SPIRE2: variants seen among roughly 807,000 people sequenced by gnomAD.
The protein encoded by SPIRE2 is protein spire homolog 2.
SPIRE2 carries 76 observed loss-of-function variants against 80.7 expected under a neutral mutation model. That is an observed-to-expected ratio of 0.94 (90% confidence interval 0.78 to 1.14). The LOEUF (loss-of-function observed/expected upper bound fraction) is 1.14, where lower values mean the gene tolerates loss of function less well. Among genes scored for constraint, SPIRE2 ranks in the 50% most tolerant of loss-of-function variants. The pLI, the probability that SPIRE2 is intolerant of heterozygous loss-of-function variation, is 0.00. For synonymous variants in SPIRE2, 535 were observed against 432.6 expected (o/e 1.24, Z -2.94); for missense variants, 1,196 against 1,015.3 (o/e 1.18, Z -2.42).
In SPIRE2 at chr16:89,830,983, C is replaced by T. The variant is rs376861048; in HGVS notation, c.244+2189C>T. Among the ~76,000 whole-genome samples the T allele has an allele frequency of 3.0e-3, 448 of 148,802 alleles. 3 individuals are homozygous for T. The highest frequency in any genetic ancestry group is 0.011 in the African/African-American group (432 of 40,838). ...GGAGTGCAGCGGCACAATCTCTGCT[C>T]ACTGCAAGCTCCACCTCCCGGGTTC... On this transcript the variant is annotated intron_variant, in intron 1 of 14. Transcript: ENST00000378247.
chr16:89,848,968 G>C (rs1230081194), intron 2 of SPIRE2, among the ~76,000 whole-genome samples: 2 of 141,598 alleles, frequency 1.4e-5, no homozygotes, highest in Non-Finnish European at 3.2e-5. Context: ...GCCTTCTGTG[G>C]TGTTTCTGCA....
Position 89,863,360 on chromosome 16 carries a change from A to C in SPIRE2, c.1576-116A>C. 8.8e-7 allele frequency: 1 copy of C among 1,140,926 alleles called. No individual in the cohort carries two copies. Among genetic ancestry groups the C allele is most frequent in the Non-Finnish European group, 1.2e-6 (1 of 806,752 alleles). 70.7% of individuals were successfully genotyped at this position (1,140,926 alleles called of 1,614,324 possible). On this transcript the variant is annotated intron_variant, in intron 10 of 14. Transcript: ENST00000378247. This position sits in a 1 kb window ranked among gnomAD's most constrained non-coding sequence, Gnocchi z 4.3. ...CAAGATGGCTGATGGACAGCGTTTT[A>C]GAAGGTCGCAGGCTTGTTTAGGCTG...
rs1401336927 is a variant in SPIRE2 at position 89,870,146 on chromosome 16, C to T, written c.2019C>T (p.Thr673=). ...TGAAGGATGTCTGCAGTGAGTGCAC[C>T]AGCTTTGTGGCAGACGTGGTGCGTT... ...CVLKDVCSEC[T]SFVADVVRSS... is the part of the protein sequence containing the mutation. The change falls in exon 15 of 15, where the codon ACC becomes ACT. Residue 673 remains threonine, a synonymous_variant. Transcript: ENST00000378247. 1.9e-6 allele frequency: 3 copies of T among 1,612,604 alleles called. No individual in the cohort carries two copies. The highest frequency in any genetic ancestry group is 2.7e-5 in the African/African-American group (2 of 74,884).
chr16:89,828,828 G>A lies in SPIRE2; in HGVS notation c.244+34G>A, dbSNP rs1404428611. On this transcript the variant is annotated intron_variant, in intron 1 of 14. Transcript: ENST00000378247. The surrounding 1 kb of genome is among the most constrained non-coding windows in gnomAD (Gnocchi z 5.9). ...GGGGGCGGGGCAGCCGGCGGGGACC[G>A]CGGTCTGGGGCGTCCGTCCCGCCCC... 2 of 1,170,836 alleles carry A rather than the reference G, an allele frequency of 1.7e-6. No homozygotes were observed. The highest frequency in any genetic ancestry group is 3.2e-5 in the African/African-American group (2 of 61,980). The allele number at this position is 1,170,836 out of a possible 1,614,324, so 72.5% of individuals were successfully genotyped here. A position where few individuals can be genotyped will look rare whatever the true frequency, so the allele number is the denominator to read the frequency against.
chr16:89,845,327 G>T lies in SPIRE2; in HGVS notation c.250G>T (p.Ala84Ser). ...AACTCCCTCTTCTCTTACAGAACCT[G>T]CAACCATGGTCGTGCCACTAGCCAG... ...GAREPEAAEP[A>S]TMVVPLASSE... Residue 84 changes from alanine to serine, a missense_variant, in exon 2 of 15, where the codon GCA (alanine) becomes TCA (serine). Coordinates refer to ENST00000378247, the MANE Select transcript of SPIRE2 (RefSeq NM_032451.2). 1 of 1,614,172 alleles carries T rather than the reference G, an allele frequency of 6.2e-7. No homozygotes were observed.
At chr16:89,836,357 G>A (rs892593971) in intron 1 of SPIRE2, 4 of 411,392 alleles carry the variant, frequency 9.7e-6, no homozygotes, top group African/African-American at 2.1e-5. Flanking sequence ...TGATTCTGCC[G>A]ACTGCAGCGG....
At position 89,860,810 on chromosome 16, in the gene SPIRE2, G is replaced by A. The variant is rs373246697; in HGVS notation, c.1575+15G>A. On this transcript the variant is annotated intron_variant, in intron 10 of 14. Coordinates refer to ENST00000378247, the MANE Select transcript of SPIRE2 (RefSeq NM_032451.2). Reference sequence around the variant, plus strand: ...ACCTGTGGCTGGTGAGTGAGGGTGCGATTGTCGTCCAGGGCGGCCCAGGGG... The same window carrying A: ...ACCTGTGGCTGGTGAGTGAGGGTGCAATTGTCGTCCAGGGCGGCCCAGGGG... The A allele has an allele frequency of 5.2e-5, 75 of 1,452,804 alleles. No individual in the cohort carries two copies. The East Asian group carries it at 1.7e-3, about 33-fold the overall frequency. The allele number at this position is 1,452,804 out of a possible 1,614,324, so 90.0% of individuals were successfully genotyped here.
At chr16:89,843,201 C>T (rs2041520051) in intron 1 of SPIRE2, among the ~76,000 whole-genome samples, 1 of 152,134 alleles carries the variant, frequency 6.6e-6, no homozygotes, top group Non-Finnish European at 1.5e-5. Flanking sequence ...AGACCCTGGG[C>T]CCCACGGCCT....
chr16:89,863,270 G>C lies in SPIRE2; in HGVS notation c.1576-206G>C, dbSNP rs1233968887. The C allele has an allele frequency of 2.8e-5, 17 of 613,230 alleles. No individual in the cohort carries two copies. In the East Asian group the frequency reaches 4.8e-4, roughly 17 times the overall value. The allele number at this position is 613,230 out of a possible 1,614,324, so 38.0% of individuals were successfully genotyped here. A position where few individuals can be genotyped will look rare whatever the true frequency, so the allele number is the denominator to read the frequency against. The stretch of plus-strand genomic sequence containing the variant: ...CTGGGCTGGCCGGCAGGGTCCGCTG[G>C]TCATGGGAGGCCTGGCCTGCAGCAG... On this transcript the variant is annotated intron_variant, in intron 10 of 14. Coordinates refer to ENST00000378247, the MANE Select transcript of SPIRE2 (RefSeq NM_032451.2). The surrounding 1 kb of genome is among the most constrained non-coding windows in gnomAD (Gnocchi z 4.3).
chr16:89,847,940 G>C (rs912720154), intron 2 of SPIRE2, among the ~76,000 whole-genome samples: 1 of 152,202 alleles, frequency 6.6e-6, no homozygotes, highest in African/African-American at 2.4e-5. Flanking sequence ...GCTGGGTGCT[G>C]CTGTGGACCG....
chr16:89,860,940 G>T (rs889816252), intron 10 of SPIRE2, 145 bp downstream of exon 10: 1 of 544,128 alleles, frequency 1.8e-6, no homozygotes, highest in Non-Finnish European at 3.1e-6. Context: ...GGCGCGGTCT[G>T]AACATGGGGC....
intron 1 of SPIRE2, among the ~76,000 whole-genome samples, chr16:89,830,751 A>G (rs2041371338): frequency 6.6e-6 from 1 of 151,046 alleles, no homozygotes; most frequent in Non-Finnish European, 1.5e-5. Flanking sequence ...CACTTTGAAA[A>G]AAACCAACAA....
chr16:89,829,130 C>T (rs768353714), intron 1 of SPIRE2, among the ~76,000 whole-genome samples: 1 of 152,182 alleles, frequency 6.6e-6, no homozygotes, highest in East Asian at 1.9e-4. Flanking sequence ...TCAGGGAGCA[C>T]GGAGCTGGCC....
At chr16:89,854,396 C>G in intron 4 of SPIRE2, 30 bp downstream of exon 4, 4 of 1,611,524 alleles carry the variant, frequency 2.5e-6, no homozygotes, top group Non-Finnish European at 3.4e-6. Context: ...GACCGGGCCA[C>G]TGACGCGGCC....
chr16:89,860,039 A>G (rs1291742227), intron 9 of SPIRE2, among the ~76,000 whole-genome samples: 6 of 152,028 alleles, frequency 3.9e-5, no homozygotes, highest in Non-Finnish European at 8.8e-5. Context: ...CCCCACCTGG[A>G]GCTGTGCCTC....
chr16:89,830,845 GA>G (rs548935303), intron 1 of SPIRE2, among the ~76,000 whole-genome samples: 1 of 149,146 alleles, frequency 6.7e-6, no homozygotes, highest in African/African-American at 2.4e-5. Context: ...CCAAGATTAG[GA>G]AAAAAATGAC....
At chr16:89,864,178 C>T (rs1049795270) in intron 12 of SPIRE2, among the ~76,000 whole-genome samples, 2 of 152,168 alleles carry the variant, frequency 1.3e-5, no homozygotes, top group Non-Finnish European at 2.9e-5. Flanking sequence ...CACAACGGGG[C>T]AAGCCTGCCA....
chr16:89,869,053 A>AAAAAAAATATATATATATAT, intron 13 of SPIRE2, among the ~76,000 whole-genome samples: 3 of 24,026 alleles, frequency 1.2e-4, no homozygotes, highest in Admixed American at 6.5e-4. Context: ...AAAAAAAAAA[A>AAAAAAAATATATATATATAT]ATATATATAT....
In SPIRE2 at chr16:89,859,293, G is replaced by T; in HGVS notation, c.1401G>T (p.Thr467=). 1 of 1,601,604 alleles carries T rather than the reference G, an allele frequency of 6.2e-7. No individual in the cohort carries two copies. Among genetic ancestry groups the T allele is most frequent in the Non-Finnish European group, 8.5e-7 (1 of 1,177,974 alleles). ...LQSATHPPGG[T]EPPRPRAGSA... ...CGGCCACCCACCCCCCAGGAGGGACGGAGCCACCACGGCCCCGAGCTGGCA... is the reference window on the plus strand; with the variant it reads ...CGGCCACCCACCCCCCAGGAGGGACTGAGCCACCACGGCCCCGAGCTGGCA... The change falls in exon 9 of 15, where the codon ACG becomes ACT. Residue 467 remains threonine, a synonymous_variant. Coordinates refer to ENST00000378247, the MANE Select transcript of SPIRE2 (RefSeq NM_032451.2).
Sources: gnomAD v4.1 joint callset for allele counts (sites outside exome capture counted in the v4.1 genomes callset) on GRCh38, gnomAD v4.1.1 for gene constraint, Gnocchi (gnomAD v3.1) non-coding constraint, MANE v1.5 for transcripts, NCBI Gene and HGNC (gene_info 2026-07-23, HGNC 2026-07-21) for gene names.